APBA2: variants seen among roughly 807,000 people sequenced by gnomAD.
APBA2 encodes the protein amyloid beta precursor protein binding family A member 2, also known as amyloid-beta A4 precursor protein-binding family A member 2.
In APBA2, 30 loss-of-function variants were observed where a neutral mutation model predicts 75.0. That is an observed-to-expected ratio of 0.40 (90% CI 0.30 to 0.54). The LOEUF (loss-of-function observed/expected upper bound fraction) is 0.54, where lower values mean the gene tolerates loss of function less well. APBA2 is among the 20% of genes least tolerant of loss of function. APBA2 has a pLI of 0.49. For missense variants in APBA2, 801 were observed against 1,016.1 expected, an observed-to-expected ratio of 0.79 and a Z score of 2.88; for synonymous variants, 444 against 409.6, an observed-to-expected ratio of 1.08 and a Z score of -1.01.
intron 6 of APBA2, among the ~76,000 whole-genome samples, chr15:29,076,863 C>A (rs1161547276): frequency 6.6e-6 from 1 of 152,066 alleles, no homozygotes; most frequent in African/African-American, 2.4e-5. Flanking sequence ...TCAGCCCTTC[C>A]CATGCTGCTT....
intron 2 of APBA2, among the ~76,000 whole-genome samples, chr15:28,933,468 C>T (rs2152691387): frequency 6.6e-6 from 1 of 152,262 alleles, no homozygotes; most frequent in South Asian, 2.1e-4. Context: ...CACTTTCTGT[C>T]ATGTATAATC....
chr15:28,955,167 A>G (rs1038061671), intron 2 of APBA2, among the ~76,000 whole-genome samples: 1 of 151,982 alleles, frequency 6.6e-6, no homozygotes, highest in Non-Finnish European at 1.5e-5. Context: ...TTAACCACCT[A>G]GGATACCTCT....
intron 8 of APBA2, among the ~76,000 whole-genome samples, chr15:29,094,587 C>T (rs1439857000): frequency 6.6e-6 from 1 of 152,182 alleles, no homozygotes; most frequent in African/African-American, 2.4e-5. Flanking sequence ...TCCTGTTTTA[C>T]GTGGACATTT....
intron 3 of APBA2, among the ~76,000 whole-genome samples, chr15:29,037,742 T>C (rs1418329546): frequency 3.3e-5 from 5 of 152,142 alleles, no homozygotes; most frequent in Non-Finnish European, 4.4e-5. Context: ...TTCTGGAGGT[T>C]GGGAAGTCCA....
intron 3 of APBA2, among the ~76,000 whole-genome samples, chr15:29,022,882 AT>A (rs57230168): frequency 0.36 from 55,127 of 151,868 alleles, 16,285 homozygotes; most frequent in African/African-American, 0.79. Flanking sequence ...AATGTAGTGT[AT>A]TTTTTTCTTG....
At chr15:29,069,846 A>G (rs560871684) in intron 4 of APBA2, among the ~76,000 whole-genome samples, 2 of 152,380 alleles carry the variant, frequency 1.3e-5, no homozygotes, top group African/African-American at 4.8e-5. Context: ...TGCAGTGACA[A>G]GTTTAGATAA....
intron 1 of APBA2, among the ~76,000 whole-genome samples, chr15:28,914,399 C>G (rs1190658829): frequency 6.6e-6 from 1 of 152,166 alleles, no homozygotes; most frequent in Admixed American, 6.5e-5. Flanking sequence ...ATGAAGGATT[C>G]AGAATTGCAG....
intron 6 of APBA2, among the ~76,000 whole-genome samples, chr15:29,090,881 C>G (rs1297102463): frequency 1.3e-5 from 2 of 152,158 alleles, no homozygotes; most frequent in Non-Finnish European, 1.5e-5. Context: ...CCATAAAAGG[C>G]AGCACAGGGC....
At chr15:29,099,014 G>A (rs1337181207) in intron 9 of APBA2, among the ~76,000 whole-genome samples, 1 of 152,128 alleles carries the variant, frequency 6.6e-6, no homozygotes, top group South Asian at 2.1e-4. Context: ...CTGTGTCCAG[G>A]CTTGCACCTT....
intron 6 of APBA2, among the ~76,000 whole-genome samples, chr15:29,083,057 G>A (rs527794558): frequency 9.3e-5 from 14 of 151,240 alleles, no homozygotes; most frequent in South Asian, 2.1e-4. Context: ...GTGAGACACC[G>A]TCTCAAAAAA....
At chr15:28,946,683 A>G (rs1279278998) in intron 2 of APBA2, among the ~76,000 whole-genome samples, 1 of 152,058 alleles carries the variant, frequency 6.6e-6, no homozygotes, top group African/African-American at 2.4e-5. Flanking sequence ...GGTTCAAGCC[A>G]TTTTCGTGCC....
intron 2 of APBA2, among the ~76,000 whole-genome samples, chr15:28,924,717 G>A (rs1038206003): frequency 7.9e-5 from 12 of 152,160 alleles, no homozygotes; most frequent in African/African-American, 2.7e-4. Flanking sequence ...ATGCAGCTGT[G>A]AGTGTGTGTG....
intron 3 of APBA2, among the ~76,000 whole-genome samples, chr15:29,011,428 C>T (rs74795479): frequency 0.079 from 11,950 of 152,030 alleles, 650 homozygotes; most frequent in East Asian, 0.28. Context: ...CAAATGCCTC[C>T]ATATTTTCTG....
rs770307431 is a variant in APBA2, at chr15:29,117,177, G to A, written c.*44G>A. 20 of 1,591,616 alleles carry A rather than the reference G, an allele frequency of 1.3e-5. No individual in the cohort carries two copies. In the South Asian group the frequency reaches 1.3e-4, roughly 11 times the overall value. On this transcript the variant is annotated 3_prime_UTR_variant, in exon 15 of 15. Coordinates refer to ENST00000683413, the MANE Select transcript of APBA2 (RefSeq NM_001353788.2). ...CGCAGCCAGGACACCGGGCAGGGCCGCCCGGGCCCAGAGGAGCTGGGAGCC... is the reference window on the plus strand; with the variant it reads ...CGCAGCCAGGACACCGGGCAGGGCCACCCGGGCCCAGAGGAGCTGGGAGCC...
chr15:28,948,584 T>C (rs1444909942), intron 2 of APBA2, among the ~76,000 whole-genome samples: 2 of 152,190 alleles, frequency 1.3e-5, no homozygotes, highest in East Asian at 3.9e-4. Context: ...AGCCTTTGCT[T>C]ACGGCTACGC....
intron 14 of APBA2, among the ~76,000 whole-genome samples, chr15:29,115,140 C>A (rs1272047624): frequency 2.0e-5 from 3 of 150,184 alleles, no homozygotes; most frequent in Non-Finnish European, 4.4e-5. Context: ...CGCTGGGGAC[C>A]GGGCAGGGAA....
intron 2 of APBA2, among the ~76,000 whole-genome samples, chr15:28,994,596 G>A (rs36034291): frequency 0.079 from 12,010 of 152,180 alleles, 653 homozygotes; most frequent in East Asian, 0.27. Flanking sequence ...GAGACGTTGG[G>A]TCATCTCCTT....
At chr15:29,078,420 G>C (rs2042941960) in intron 6 of APBA2, among the ~76,000 whole-genome samples, 1 of 152,072 alleles carries the variant, frequency 6.6e-6, no homozygotes, top group Non-Finnish European at 1.5e-5. Context: ...AGACCAGCTT[G>C]ACCAATATGG....
intron 3 of APBA2, among the ~76,000 whole-genome samples, chr15:28,996,552 G>A (rs2038533276): frequency 6.6e-6 from 1 of 152,202 alleles, no homozygotes; most frequent in Admixed American, 6.5e-5. Flanking sequence ...TGAATTGGCT[G>A]TCTTCTTCTG....
Sources: gnomAD v4.1 joint callset for allele counts (sites outside exome capture counted in the v4.1 genomes callset) on GRCh38, gnomAD v4.1.1 for gene constraint, MANE v1.5 for transcripts, NCBI Gene and HGNC (gene_info 2026-07-23, HGNC 2026-07-21) for gene names.